Variants in NRG3 observed in about 807,000 individuals in gnomAD.
NRG3 encodes neuregulin 3, also known as pro-neuregulin-3, membrane-bound isoform.
NRG3 carries 31 observed loss-of-function variants against 66.9 expected under a neutral mutation model. The ratio of observed to expected loss-of-function variants is 0.46; its 90% CI spans 0.35 to 0.63. The LOEUF is 0.63. Ranked by LOEUF, NRG3 falls within the 20% of genes least tolerant of loss-of-function variation. The pLI is 0.00. For missense variants in NRG3, 910 were observed against 878.9 expected (o/e 1.04, Z -0.45); for synonymous variants, 393 against 359.4 (o/e 1.09, Z -1.06).
chr10:82,659,216 A>G lies in NRG3; in HGVS notation c.954-79361A>G, dbSNP rs1038488655. On this transcript the variant is annotated intron_variant, in intron 2 of 8. Coordinates refer to ENST00000372141, the MANE Select transcript of NRG3 (RefSeq NM_001010848.4). ...CCAAACAATGGCAAGTGCCTTGTCT[A>G]GATATTTTCTTCCATCATTAAAATA... Among the ~76,000 whole-genome samples, 6 of 152,390 alleles carry G rather than the reference A, an allele frequency of 3.9e-5. No homozygotes were observed. The South Asian group carries it at 6.2e-4, about 16-fold the overall frequency.
intron 1 of NRG3, among the ~76,000 whole-genome samples, chr10:82,233,172 G>A (rs1463967040): frequency 2.0e-5 from 3 of 152,130 alleles, no homozygotes; most frequent in African/African-American, 7.2e-5. Context: ...AGACCATCCT[G>A]GCTAACACGG....
At chr10:82,729,070 C>T (rs1408769534) in intron 2 of NRG3, among the ~76,000 whole-genome samples, 1 of 152,096 alleles carries the variant, frequency 6.6e-6, no homozygotes, top group East Asian at 1.9e-4. Context: ...AAAGGAGCAC[C>T]TGAGACTTCT....
chr10:82,438,839 A>G lies in NRG3; in HGVS notation c.953+79971A>G, dbSNP rs542046164. 7.3e-4 allele frequency among the ~76,000 whole-genome samples: 111 copies of G among 152,052 alleles called. 1 individual carries two copies. The highest frequency in any genetic ancestry group is 2.6e-3 in the African/African-American group (108 of 41,474). On this transcript the variant is annotated intron_variant, in intron 2 of 8. Coordinates refer to ENST00000372141, the MANE Select transcript of NRG3 (RefSeq NM_001010848.4). ...CACCACACTGCTCTTCCTTCTCTTC[A>G]TGAGTAGGAAATAGACTAGCCTTCT... is the stretch of plus-strand genomic sequence containing the variant.
chr10:82,085,995 A>G lies in NRG3; in HGVS notation c.823+209832A>G, dbSNP rs537782894. Among the ~76,000 whole-genome samples, 12 of 152,256 alleles carry G rather than the reference A, an allele frequency of 7.9e-5. No individual in the cohort carries two copies. The East Asian group carries it at 2.3e-3, about 29-fold the overall frequency. ...AGCACTGTTGCACTGGGGATTAAAT[A>G]TTCAACAAATGACCTTTTAAAAGGA... On this transcript the variant is annotated intron_variant, in intron 1 of 8. Transcript: ENST00000372141.
chr10:82,539,171 C>G (rs909660839), intron 2 of NRG3, among the ~76,000 whole-genome samples: 2 of 152,186 alleles, frequency 1.3e-5, no homozygotes, highest in African/African-American at 4.8e-5. Flanking sequence ...ACCTGTAACA[C>G]TGCCTGAAAA....
intron 1 of NRG3, among the ~76,000 whole-genome samples, chr10:82,183,172 T>C (rs1447413092): frequency 1.3e-5 from 2 of 152,018 alleles, no homozygotes; most frequent in African/African-American, 4.8e-5. Flanking sequence ...AGATTTGTGA[T>C]GTTTTTGTTG....
chr10:82,692,353 T>C (rs2055007373), intron 2 of NRG3, among the ~76,000 whole-genome samples: 1 of 152,112 alleles, frequency 6.6e-6, no homozygotes, highest in Non-Finnish European at 1.5e-5. Context: ...AAAGAACTAG[T>C]ACTAGAAATT....
intron 3 of NRG3, among the ~76,000 whole-genome samples, chr10:82,851,570 T>G (rs2063561241): frequency 6.6e-6 from 1 of 152,196 alleles, no homozygotes; most frequent in African/African-American, 2.4e-5. Context: ...TGTACCTTTA[T>G]TTCTTCTGAG....
At chr10:82,377,549 C>T (rs1352835041) in intron 2 of NRG3, among the ~76,000 whole-genome samples, 1 of 152,134 alleles carries the variant, frequency 6.6e-6, no homozygotes, top group Non-Finnish European at 1.5e-5. Flanking sequence ...GACCAAGACT[C>T]TAAACCGTGT....
Position 82,957,513 on chromosome 10 carries a change from C to A in NRG3, c.1158-1436C>A, listed in dbSNP as rs189914843. Reference sequence around the variant, plus strand: ...GAGTCATTTGTGTTAAAAACCCTGACAAATAGAGCCGGAGAAGGACATGAA... The same window carrying A: ...GAGTCATTTGTGTTAAAAACCCTGAAAAATAGAGCCGGAGAAGGACATGAA... On this transcript the variant is annotated intron_variant, in intron 5 of 8. Coordinates refer to ENST00000372141, the MANE Select transcript of NRG3 (RefSeq NM_001010848.4). Among the ~76,000 whole-genome samples, 278 of 152,004 alleles carry A rather than the reference C, an allele frequency of 1.8e-3. 12 individuals carry two copies. The highest frequency in any genetic ancestry group is 6.5e-3 in the African/African-American group (267 of 41,290).
intron 4 of NRG3, among the ~76,000 whole-genome samples, chr10:82,895,229 G>T (rs1221138964): frequency 6.6e-6 from 1 of 152,056 alleles, no homozygotes; most frequent in African/African-American, 2.4e-5. Flanking sequence ...TTCCCACTGA[G>T]CTGTGAACTA....
intron 6 of NRG3, among the ~76,000 whole-genome samples, chr10:82,969,949 T>C (rs569310098): frequency 2.6e-5 from 4 of 152,348 alleles, no homozygotes; most frequent in East Asian, 3.9e-4. Flanking sequence ...AATTGCACCT[T>C]CCTTATTTAC....
rs573809266 is a variant in NRG3, at chr10:81,979,669, G to A, written c.823+103506G>A. ...CAGAGTCAAAAGAAATACAACCTGAGCCATCCCCAGGGAGTCATATACATA... is the reference window on the plus strand; with the variant it reads ...CAGAGTCAAAAGAAATACAACCTGAACCATCCCCAGGGAGTCATATACATA... On this transcript the variant is annotated intron_variant, in intron 1 of 8. Coordinates refer to ENST00000372141, the MANE Select transcript of NRG3 (RefSeq NM_001010848.4). Among the ~76,000 whole-genome samples, 6 of 152,232 alleles carry A rather than the reference G, an allele frequency of 3.9e-5. No individual in the cohort carries two copies. The South Asian group carries it at 1.2e-3, about 32-fold the overall frequency.
At position 82,891,313 on chromosome 10, in the gene NRG3, T is replaced by C. The variant is rs568380463; in HGVS notation, c.1054+25876T>C. Among the ~76,000 whole-genome samples, 5 of 151,994 alleles carry C rather than the reference T, an allele frequency of 3.3e-5. No homozygotes were observed. The East Asian group carries it at 7.7e-4, about 23-fold the overall frequency. ...CATGGACATTGTCTACCTCTTCTGT[T>C]TGGGTCCTCTTTAATGTTTTCCAAT... On this transcript the variant is annotated intron_variant, in intron 4 of 8. Coordinates refer to ENST00000372141, the MANE Select transcript of NRG3 (RefSeq NM_001010848.4).
rs1014433672 is a variant in NRG3, at chr10:82,278,654, A to G, written c.824-80085A>G. On this transcript the variant is annotated intron_variant, in intron 1 of 8. Coordinates refer to ENST00000372141, the MANE Select transcript of NRG3 (RefSeq NM_001010848.4). ...TGAAACTAGAGCTGTCTGAAATAAT[A>G]AACAGGTTTCTCAGTGACTGGAAGA... Among the ~76,000 whole-genome samples, 3 of 152,288 alleles carry G rather than the reference A, an allele frequency of 2.0e-5. No individual in the cohort carries two copies. The East Asian group carries it at 5.8e-4, about 29-fold the overall frequency.
intron 1 of NRG3, among the ~76,000 whole-genome samples, chr10:81,908,437 A>G (rs925414402): frequency 2.6e-5 from 4 of 152,188 alleles, no homozygotes; most frequent in Non-Finnish European, 5.9e-5. Flanking sequence ...TATAGTAGGT[A>G]TTGAAACATG....
At chr10:82,737,433 G>T (rs1441721015) in intron 2 of NRG3, among the ~76,000 whole-genome samples, 3 of 152,182 alleles carry the variant, frequency 2.0e-5, no homozygotes, top group Non-Finnish European at 2.9e-5. Flanking sequence ...TTTAAGGAAA[G>T]AACTCACGAC....
At chr10:82,134,104 T>A (rs1170797879) in intron 1 of NRG3, among the ~76,000 whole-genome samples, 1 of 151,486 alleles carries the variant, frequency 6.6e-6, no homozygotes, top group Admixed American at 6.6e-5. Flanking sequence ...CACTTTTTGA[T>A]GGGGTTGTTT....
At chr10:82,003,733 A>G (rs2061263804) in intron 1 of NRG3, among the ~76,000 whole-genome samples, 1 of 152,110 alleles carries the variant, frequency 6.6e-6, no homozygotes, top group Non-Finnish European at 1.5e-5. Context: ...CCAAAGTGGG[A>G]GTGATCTGAG....
Sources: allele counts gnomAD v4.1 joint callset (sites outside exome capture counted in the v4.1 genomes callset), GRCh38; gene constraint gnomAD v4.1.1; transcripts MANE v1.5; gene names NCBI Gene and HGNC (gene_info 2026-07-23, HGNC 2026-07-21).